SYN2: variants seen among roughly 807,000 people sequenced by gnomAD.
The protein encoded by SYN2 is synapsin II, also known as synapsin-2.
A neutral mutation model predicts 50.9 loss-of-function variants in SYN2; 19 were observed. The ratio of observed to expected loss-of-function variants is 0.37; its 90% CI spans 0.26 to 0.55. The LOEUF (loss-of-function observed/expected upper bound fraction) is 0.55. SYN2 is among the 20% of genes least tolerant of loss of function. The probability of loss-of-function intolerance (pLI) is 0.81; values close to 1 mark genes in which losing one functional copy is unlikely to be tolerated. For synonymous variants in SYN2, 255 were observed against 224.9 expected, an observed-to-expected ratio of 1.13 and a Z score of -1.20; for missense variants, 587 against 576.4, an observed-to-expected ratio of 1.02 and a Z score of -0.19.
At chr3:12,017,839 A>T (rs889965397) in intron 1 of SYN2, among the ~76,000 whole-genome samples, 1 of 152,230 alleles carries the variant, frequency 6.6e-6, no homozygotes, top group African/African-American at 2.4e-5. Flanking sequence ...GAACAAACCT[A>T]GATGAATATT....
intron 1 of SYN2, among the ~76,000 whole-genome samples, chr3:12,126,103 G>C (rs997234746): frequency 6.6e-6 from 1 of 152,212 alleles, no homozygotes; most frequent in South Asian, 2.1e-4. Context: ...TGTATTTTAG[G>C]AAACTCTCTA....
At chr3:12,060,485 G>A (rs543273856) in intron 1 of SYN2, among the ~76,000 whole-genome samples, 21 of 152,244 alleles carry the variant, frequency 1.4e-4, no homozygotes, top group South Asian at 6.2e-4. Context: ...AGAAATACTC[G>A]TGAAGGTGAC....
At chr3:12,103,682 C>T (rs1224099239) in intron 1 of SYN2, among the ~76,000 whole-genome samples, 1 of 152,182 alleles carries the variant, frequency 6.6e-6, no homozygotes, top group Middle Eastern at 3.2e-3. Flanking sequence ...CAGTTAACTT[C>T]AAGCTTGGTC....
chr3:12,069,483 G>A (rs1400642689), intron 1 of SYN2, among the ~76,000 whole-genome samples: 2 of 151,994 alleles, frequency 1.3e-5, no homozygotes, highest in Non-Finnish European at 2.9e-5. Flanking sequence ...TACTGACCTC[G>A]TGATCTGCCC....
chr3:12,156,630 C>A (rs1030343916), intron 5 of SYN2, among the ~76,000 whole-genome samples: 1 of 152,182 alleles, frequency 6.6e-6, no homozygotes, highest in African/African-American at 2.4e-5. Context: ...AGAACTCTTA[C>A]ATTTAAAGGG....
At chr3:12,153,814 C>G (rs971049743) in intron 5 of SYN2, 2 of 1,270,814 alleles carry the variant, frequency 1.6e-6, no homozygotes, top group African/African-American at 3.0e-5. Flanking sequence ...TCTCAAATGC[C>G]CCCTATCTTA....
intron 10 of SYN2, among the ~76,000 whole-genome samples, chr3:12,181,429 A>G (rs990085953): frequency 1.3e-5 from 2 of 152,212 alleles, no homozygotes; most frequent in African/African-American, 4.8e-5. Flanking sequence ...AGACTAGAGA[A>G]TGAACAGTAG....
chr3:12,157,463 G>C (rs774613964), intron 5 of SYN2: 2 of 1,614,178 alleles, frequency 1.2e-6, no homozygotes, highest in Non-Finnish European at 1.7e-6. Flanking sequence ...CCTTCTCACT[G>C]GAGATTTTGG....
At chr3:12,055,526 G>T (rs1380236212) in intron 1 of SYN2, among the ~76,000 whole-genome samples, 2 of 152,176 alleles carry the variant, frequency 1.3e-5, no homozygotes, top group Non-Finnish European at 2.9e-5. Flanking sequence ...GGGATTTTGT[G>T]ATTGTGTTGA....
intron 1 of SYN2, among the ~76,000 whole-genome samples, chr3:12,038,371 G>GT (rs924788832): frequency 7.2e-5 from 11 of 152,062 alleles, no homozygotes; most frequent in South Asian, 2.1e-4. Flanking sequence ...TAACTTTGTT[G>GT]TTTTTTAAAA....
At position 12,168,378 on chromosome 3, in the gene SYN2, A is replaced by G. The variant is rs372895378; in HGVS notation, c.1058A>G (p.Tyr353Cys). The G allele has an allele frequency of 1.9e-6, 3 of 1,613,024 alleles. No homozygotes were observed. Among genetic ancestry groups the G allele is most frequent in the Non-Finnish European group, 2.5e-6 (3 of 1,179,558 alleles). Residue 353 changes from tyrosine to cysteine, a missense_variant and splice_region_variant, in exon 9 of 13, where the codon TAC (tyrosine) becomes TGC (cysteine). Physicochemically the swap from Tyr to Cys is radical, Grantham distance 194. Transcript: ENST00000621198. ...GGACACCTTCCCATCACCTCCAGGTACAAACTGTGGGTGGACACCTGCTCT... is the reference window on the plus strand; with the variant it reads ...GGACACCTTCCCATCACCTCCAGGTGCAAACTGTGGGTGGACACCTGCTCT... ...MLEQIAMSDR[Y>C]KLWVDTCSEM...
At chr3:12,009,606 C>G (rs1013213852) in intron 1 of SYN2, among the ~76,000 whole-genome samples, 1 of 152,186 alleles carries the variant, frequency 6.6e-6, no homozygotes, top group Non-Finnish European at 1.5e-5. Flanking sequence ...TTAAGTCGCT[C>G]TTTGAGATTT....
chr3:12,104,206 C>G (rs1162393340), intron 1 of SYN2, among the ~76,000 whole-genome samples: 1 of 152,164 alleles, frequency 6.6e-6, no homozygotes, highest in East Asian at 1.9e-4. Flanking sequence ...GATCATAGAT[C>G]ACTGCAGCCT....
chr3:12,100,149 CAT>C (rs556777025), intron 1 of SYN2, among the ~76,000 whole-genome samples: 55 of 152,120 alleles, frequency 3.6e-4, no homozygotes, highest in African/African-American at 1.1e-3. Flanking sequence ...ATTTTAAAAT[CAT>C]ATGGAAATCC....
chr3:12,060,432 C>G (rs950385262), intron 1 of SYN2, among the ~76,000 whole-genome samples: 13 of 152,246 alleles, frequency 8.5e-5, no homozygotes, highest in Non-Finnish European at 1.8e-4. Flanking sequence ...CCAGCCCCCT[C>G]TAGTTTTACT....
In SYN2 at chr3:12,131,098, A is replaced by G. The variant is rs78761821; in HGVS notation, c.378-9553A>G. 2.4e-4 allele frequency among the ~76,000 whole-genome samples: 37 copies of G among 152,308 alleles called. No individual in the cohort carries two copies. The East Asian group carries it at 6.9e-3, about 29-fold the overall frequency. ...TGTACAAGGACATCTATCTGAGGAG[A>G]CAAGTAGGGGCTGGGATGCAGCCCC... On this transcript the variant is annotated intron_variant, in intron 1 of 12. Coordinates refer to ENST00000621198, the MANE Select transcript of SYN2 (RefSeq NM_133625.6).
chr3:12,009,273 TACTC>T (rs1254567740), intron 1 of SYN2, among the ~76,000 whole-genome samples: 1 of 152,060 alleles, frequency 6.6e-6, no homozygotes, highest in Non-Finnish European at 1.5e-5. Flanking sequence ...TGTTCAAGGT[TACTC>T]ACTTAGCTAA....
chr3:12,087,212 A>G (rs998835304), intron 1 of SYN2, among the ~76,000 whole-genome samples: 5 of 152,224 alleles, frequency 3.3e-5, no homozygotes, highest in African/African-American at 9.6e-5. Context: ...GAAATTGAAG[A>G]TGACACAATA....
At chr3:12,109,152 G>A (rs1172188979) in intron 1 of SYN2, among the ~76,000 whole-genome samples, 6 of 152,158 alleles carry the variant, frequency 3.9e-5, no homozygotes, top group Admixed American at 2.6e-4. Flanking sequence ...ACAGTCAGGG[G>A]CCTGGGGACA....
Sources: gnomAD v4.1 joint callset for allele counts (sites outside exome capture counted in the v4.1 genomes callset) on GRCh38, gnomAD v4.1.1 for gene constraint, MANE v1.5 for transcripts, NCBI Gene and HGNC (gene_info 2026-07-23, HGNC 2026-07-21) for gene names.